The following CSMD1 variants were observed in gnomAD, a reference collection of about 807,000 sequenced individuals.
The protein encoded by CSMD1 is CUB and sushi domain-containing protein 1.
In CSMD1, 213 loss-of-function variants were observed where a neutral mutation model predicts 417.5. The ratio of observed to expected loss-of-function variants is 0.51; its 90% confidence interval spans 0.46 to 0.57. The LOEUF (loss-of-function observed/expected upper bound fraction) is 0.57. Ranked by LOEUF, CSMD1 falls within the 20% of genes least tolerant of loss-of-function variation. The pLI, the probability that CSMD1 is intolerant of heterozygous loss-of-function variation, is 0.00. For missense variants in CSMD1, 6,923 were observed against 4,529.7 expected (o/e 1.53, Z -15.17); for synonymous variants, 2,862 against 1,736.8 (o/e 1.65, Z -16.11).
chr8:4,629,736 C>A (rs371849713), intron 2 of CSMD1, among the ~76,000 whole-genome samples: 1 of 152,128 alleles, frequency 6.6e-6, no homozygotes, highest in Non-Finnish European at 1.5e-5. Context: ...CTACAAACAG[C>A]AAAGACTAGA....
At chr8:4,154,754 C>G (rs746968204) in intron 3 of CSMD1, among the ~76,000 whole-genome samples, 2 of 151,960 alleles carry the variant, frequency 1.3e-5, no homozygotes, top group African/African-American at 4.8e-5. Context: ...GCTAATATCC[C>G]CGTAAGATAT....
At chr8:4,719,899 C>A (rs1017616041) in intron 1 of CSMD1, among the ~76,000 whole-genome samples, 7 of 152,008 alleles carry the variant, frequency 4.6e-5, no homozygotes, top group Admixed American at 2.0e-4. Flanking sequence ...TATCTATATT[C>A]GACCTCACTT....
chr8:4,030,796 T>C (rs1380438986), intron 4 of CSMD1, among the ~76,000 whole-genome samples: 4 of 152,200 alleles, frequency 2.6e-5, no homozygotes, highest in Non-Finnish European at 1.5e-5. Flanking sequence ...GCTTGCCTTA[T>C]AAAACTGAAA....
intron 2 of CSMD1, among the ~76,000 whole-genome samples, chr8:4,552,880 TA>T: frequency 6.6e-6 from 1 of 152,178 alleles, no homozygotes; most frequent in Non-Finnish European, 1.5e-5. Context: ...GCTCTTCTTT[TA>T]AACCTCTTCC....
chr8:3,784,855 T>C (rs1488542050), intron 5 of CSMD1, among the ~76,000 whole-genome samples: 1 of 152,212 alleles, frequency 6.6e-6, no homozygotes, highest in Non-Finnish European at 1.5e-5. Context: ...AATGAAATCA[T>C]CACAATACTG....
intron 1 of CSMD1, among the ~76,000 whole-genome samples, chr8:4,993,894 G>T (rs539489959): frequency 6.6e-6 from 1 of 152,208 alleles, no homozygotes; most frequent in East Asian, 1.9e-4. Context: ...AACTTTCCAG[G>T]CCGGCTTCAC....
chr8:4,428,318 C>G (rs961630563), intron 2 of CSMD1, among the ~76,000 whole-genome samples: 2 of 152,118 alleles, frequency 1.3e-5, no homozygotes, highest in Non-Finnish European at 2.9e-5. Flanking sequence ...CTAACGAGTC[C>G]CAACACCTTT....
chr8:3,014,109 C>T (rs906952923), intron 52 of CSMD1, among the ~76,000 whole-genome samples: 1 of 152,064 alleles, frequency 6.6e-6, no homozygotes, highest in Non-Finnish European at 1.5e-5. Flanking sequence ...TTTGTCCTAT[C>T]GTGAGAATTT....
rs112867039 is a variant in CSMD1 at position 4,151,273 on chromosome 8, G to A, written c.416-119174C>T. Among the ~76,000 whole-genome samples, 185 of 152,240 alleles carry A rather than the reference G, an allele frequency of 1.2e-3. 1 individual carries two copies. Among genetic ancestry groups the A allele is most frequent in the African/African-American group, 4.4e-3 (181 of 41,550 alleles). On this transcript the variant is annotated intron_variant, in intron 3 of 69. Coordinates refer to ENST00000635120, the MANE Select transcript of CSMD1 (RefSeq NM_033225.6). ...AAGCTAAAATATTCAGACTACTTTAGACCATGCATGTGTAAATCATTTGCC... is the reference window on the plus strand; with the variant it reads ...AAGCTAAAATATTCAGACTACTTTAAACCATGCATGTGTAAATCATTTGCC...
intron 33 of CSMD1, among the ~76,000 whole-genome samples, chr8:3,193,644 G>A (rs1279202202): frequency 2.6e-5 from 4 of 151,886 alleles, no homozygotes; most frequent in Admixed American, 2.6e-4. Context: ...AATTGAAATC[G>A]GGCCAGTGGA....
At chr8:4,175,350 A>G (rs938299199) in intron 3 of CSMD1, among the ~76,000 whole-genome samples, 1 of 152,150 alleles carries the variant, frequency 6.6e-6, no homozygotes. Flanking sequence ...TTTTTTCTAA[A>G]TACTTTTTAA....
intron 26 of CSMD1, among the ~76,000 whole-genome samples, chr8:3,238,284 C>G (rs59761505): frequency 6.6e-6 from 1 of 151,806 alleles, no homozygotes; most frequent in Non-Finnish European, 1.5e-5. Context: ...AAGGCAGGAA[C>G]AGGCCATTTT....
At position 3,832,052 on chromosome 8, in the gene CSMD1, C is replaced by T. The variant is rs142128994; in HGVS notation, c.819-78010G>A. 5.3e-3 allele frequency among the ~76,000 whole-genome samples: 814 copies of T among 152,286 alleles called. 9 individuals carry two copies. Among genetic ancestry groups the T allele is most frequent in the African/African-American group, 0.019 (771 of 41,558 alleles). ...CTCTGCGTTGCTCTTATCACTGTTA[C>T]CAGCCCTTCTTAATCAAGACTGGGT... On this transcript the variant is annotated intron_variant, in intron 5 of 69. Coordinates refer to ENST00000635120, the MANE Select transcript of CSMD1 (RefSeq NM_033225.6).
chr8:3,084,978 T>C (rs1006633369), intron 49 of CSMD1, among the ~76,000 whole-genome samples: 8 of 151,934 alleles, frequency 5.3e-5, no homozygotes, highest in African/African-American at 1.9e-4. Context: ...TTTACACAAA[T>C]TGTAAATATC....
intron 45 of CSMD1, 92 bp from the exon 46 acceptor site, chr8:3,106,733 A>T: frequency 1.7e-6 from 1 of 588,084 alleles, no homozygotes; most frequent in Admixed American, 3.3e-5. Context: ...AAATGAATTA[A>T]ATCAACTTGC....
At chr8:3,459,851 T>A (rs879621265) in intron 12 of CSMD1, among the ~76,000 whole-genome samples, 1 of 151,864 alleles carries the variant, frequency 6.6e-6, no homozygotes, top group Admixed American at 6.6e-5. Context: ...TCCTCAAACG[T>A]ATAAAAACTC....
intron 23 of CSMD1, among the ~76,000 whole-genome samples, chr8:3,317,979 A>G (rs970773769): frequency 2.0e-5 from 3 of 152,064 alleles, no homozygotes; most frequent in Admixed American, 2.0e-4. Flanking sequence ...CCCAGCTAAT[A>G]TTTGTATCTT....
intron 3 of CSMD1, among the ~76,000 whole-genome samples, chr8:4,192,912 T>C (rs1799113530): frequency 6.6e-6 from 1 of 152,228 alleles, no homozygotes; most frequent in Non-Finnish European, 1.5e-5. Context: ...AAGGACATAC[T>C]CACTTTACCT....
intron 6 of CSMD1, among the ~76,000 whole-genome samples, chr8:3,744,326 T>C (rs1284424582): frequency 6.6e-6 from 1 of 152,084 alleles, no homozygotes; most frequent in Non-Finnish European, 1.5e-5. Flanking sequence ...CTACTCTGCC[T>C]GTGATACCCT....
Sources: gnomAD v4.1 joint callset for allele counts (sites outside exome capture counted in the v4.1 genomes callset) on GRCh38, gnomAD v4.1.1 for gene constraint, MANE v1.5 for transcripts, NCBI Gene and HGNC (gene_info 2026-07-23, HGNC 2026-07-21) for gene names.